Variants in SOX5 observed in about 807,000 individuals in gnomAD.
SOX5 encodes SRY-box transcription factor 5.
SOX5 carries 9 observed loss-of-function variants against 92.0 expected under a neutral mutation model. The ratio of observed to expected loss-of-function variants is 0.10; its 90% CI spans 0.06 to 0.17. SOX5 has a LOEUF of 0.17. Among genes scored for constraint, SOX5 ranks in the 10% least tolerant of loss-of-function variants. The probability of loss-of-function intolerance (pLI) is 1.00; values close to 1 mark genes in which losing one functional copy is unlikely to be tolerated. For missense variants in SOX5, 642 were observed against 944.5 expected (o/e 0.68, Z 4.20); for synonymous variants, 344 against 336.3 (o/e 1.02, Z -0.25).
At chr12:23,952,163 A>C (rs1308405712), upstream of SOX5, among the ~76,000 whole-genome samples, 4 of 152,028 alleles carry the variant, frequency 2.6e-5, no homozygotes, top group Non-Finnish European at 5.9e-5. Context: ...AAGAAGGAGG[A>C]TGGGTGAGTT....
intron 4 of SOX5, among the ~76,000 whole-genome samples, chr12:24,203,978 A>T (rs1415329204): frequency 1.3e-5 from 2 of 152,174 alleles, no homozygotes; most frequent in Non-Finnish European, 2.9e-5. Context: ...TCCAAAAATC[A>T]GAACTACACC....
At chr12:24,209,800 C>T (rs1001394115) in intron 4 of SOX5, among the ~76,000 whole-genome samples, 3 of 151,622 alleles carry the variant, frequency 2.0e-5, no homozygotes, top group African/African-American at 4.8e-5. Flanking sequence ...GGGCGGATCA[C>T]GAGGTCAGGA....
intron 4 of SOX5, among the ~76,000 whole-genome samples, chr12:24,209,181 T>C (rs1195172635): frequency 6.6e-6 from 1 of 152,206 alleles, no homozygotes; most frequent in Non-Finnish European, 1.5e-5. Context: ...TCAAAGTTTG[T>C]TGAACAGGCA....
intron 1 of SOX5, among the ~76,000 whole-genome samples, chr12:24,374,524 CA>C (rs1566015784): frequency 9.2e-5 from 14 of 151,736 alleles, no homozygotes; most frequent in African/African-American, 3.1e-4. Context: ...CATACACACA[CA>C]CACACACACA....
At position 23,534,128 on chromosome 12, in the gene SOX5, T is replaced by G; in HGVS notation, c.*91A>C. On this transcript the variant is annotated 3_prime_UTR_variant, in exon 15 of 15. Coordinates refer to ENST00000451604, the MANE Select transcript of SOX5 (RefSeq NM_006940.6). ...CTAACAGTTAAAGTAACAGTCAGTGTATGAGAAAGTTAATGTGCTTGGCCA... is the reference window on the plus strand; with the variant it reads ...CTAACAGTTAAAGTAACAGTCAGTGGATGAGAAAGTTAATGTGCTTGGCCA... The G allele has an allele frequency of 2.0e-6, 2 of 1,005,154 alleles. No homozygotes were observed. The highest frequency in any genetic ancestry group is 3.0e-6 in the Non-Finnish European group (2 of 656,178). The allele number at this position is 1,005,154 out of a possible 1,614,324, so 62.3% of individuals were successfully genotyped here.
At chr12:24,017,867 C>G (rs1348319815) in intron 4 of SOX5, among the ~76,000 whole-genome samples, 4 of 152,152 alleles carry the variant, frequency 2.6e-5, no homozygotes, top group African/African-American at 7.2e-5. Flanking sequence ...ACATCACTTT[C>G]TGCAACCCTC....
intron 3 of SOX5, among the ~76,000 whole-genome samples, chr12:24,266,900 T>C (rs1266287382): frequency 1.3e-5 from 2 of 150,354 alleles, no homozygotes; most frequent in African/African-American, 5.0e-5. Flanking sequence ...GTGTAATGCT[T>C]TAAAAGGACT....
At chr12:23,566,319 A>T (rs1947077976) in intron 10 of SOX5, among the ~76,000 whole-genome samples, 1 of 152,018 alleles carries the variant, frequency 6.6e-6, no homozygotes, top group Non-Finnish European at 1.5e-5. Flanking sequence ...TTATCTCATA[A>T]TCTCCCATTC....
chr12:24,183,943 G>A (rs1955766109), intron 4 of SOX5, among the ~76,000 whole-genome samples: 1 of 152,098 alleles, frequency 6.6e-6, no homozygotes, highest in African/African-American at 2.4e-5. Context: ...ACTCAGAAAG[G>A]TGTCTGACAC....
At chr12:24,155,914 A>G (rs1952120608) in intron 4 of SOX5, among the ~76,000 whole-genome samples, 1 of 152,104 alleles carries the variant, frequency 6.6e-6, no homozygotes, top group Non-Finnish European at 1.5e-5. Flanking sequence ...GTAGATATAG[A>G]AAGAGCGGTA....
chr12:24,108,476 T>C (rs1946942655), intron 4 of SOX5, among the ~76,000 whole-genome samples: 1 of 152,156 alleles, frequency 6.6e-6, no homozygotes, highest in African/African-American at 2.4e-5. Flanking sequence ...CATTGATTAG[T>C]CTATCACACA....
At chr12:24,269,688 C>CTTTTTTTTTTTTTTT (rs58098308) in intron 3 of SOX5, among the ~76,000 whole-genome samples, 7 of 116,748 alleles carry the variant, frequency 6.0e-5, no homozygotes, top group East Asian at 2.4e-4. Flanking sequence ...TATTTTTATT[C>CTTTTTTTTTTTTTTT]TTTTTTTTTT....
At chr12:23,849,265 A>T (rs778950394) in intron 2 of SOX5, among the ~76,000 whole-genome samples, 2 of 152,238 alleles carry the variant, frequency 1.3e-5, no homozygotes, top group Non-Finnish European at 2.9e-5. Flanking sequence ...AACTGAAATT[A>T]AGTTCATACT....
rs79657500 is a variant in SOX5, at chr12:24,113,971, A to T, written c.-2+99372T>A. ...AATGCAGCAAACTCCCTCACAAAAA[A>T]ATGTGAGAGTTTTGTTAATGAAATT... On this transcript the variant is annotated intron_variant, in intron 4 of 4. Transcript: ENST00000446891. Among the ~76,000 whole-genome samples the T allele has an allele frequency of 7.1e-3, 1,078 of 152,272 alleles. 10 individuals are homozygous for T. The highest frequency in any genetic ancestry group is 0.025 in the African/African-American group (1,025 of 41,554).
At chr12:23,712,445 G>A (rs752758986) in intron 6 of SOX5, among the ~76,000 whole-genome samples, 1 of 152,200 alleles carries the variant, frequency 6.6e-6, no homozygotes, top group Non-Finnish European at 1.5e-5. Context: ...CAATAGAGCT[G>A]TTAAGAGACT....
At chr12:23,718,891 G>C (rs748481887) in intron 6 of SOX5, among the ~76,000 whole-genome samples, 4 of 152,108 alleles carry the variant, frequency 2.6e-5, no homozygotes, top group African/African-American at 4.8e-5. Flanking sequence ...TAGCAAAAAG[G>C]TACCTCTTTG....
chr12:23,617,985 T>G (rs2076768040), intron 8 of SOX5, among the ~76,000 whole-genome samples: 1 of 152,146 alleles, frequency 6.6e-6, no homozygotes, highest in African/African-American at 2.4e-5. Context: ...CCCCATATGA[T>G]GTATGACCTA....
chr12:24,446,453 G>A (rs559742731), intron 1 of SOX5, among the ~76,000 whole-genome samples: 2 of 152,254 alleles, frequency 1.3e-5, no homozygotes, highest in East Asian at 3.9e-4. Context: ...GTATTTGTAA[G>A]GAACAGAAAA....
chr12:24,003,241 A>G (rs1228934021), intron 4 of SOX5, among the ~76,000 whole-genome samples: 1 of 152,132 alleles, frequency 6.6e-6, no homozygotes, highest in African/African-American at 2.4e-5. Flanking sequence ...CCCTAAGATC[A>G]GGAACAAGGT....
Sources: gnomAD v4.1 joint callset for allele counts (sites outside exome capture counted in the v4.1 genomes callset) on GRCh38, gnomAD v4.1.1 for gene constraint, MANE v1.5 for transcripts, NCBI Gene and HGNC (gene_info 2026-07-23, HGNC 2026-07-21) for gene names.